OR51B5: variants seen among roughly 807,000 people sequenced by gnomAD.
The protein encoded by OR51B5 is olfactory receptor family 51 subfamily B member 5.
For missense variants in OR51B5, 456 were observed against 374.6 expected (o/e 1.22, Z -1.79); for synonymous variants, 186 against 144.8 (o/e 1.28, Z -2.04).
At chr11:5,370,402 G>A (rs2133706194) in intron 1 of OR51B5, among the ~76,000 whole-genome samples, 1 of 152,254 alleles carries the variant, frequency 6.6e-6, no homozygotes, top group South Asian at 2.1e-4. Context: ...TCAGGTCAGA[G>A]CAATTTACAG....
chr11:5,385,927 G>A (rs573219933), intron 1 of OR51B5, among the ~76,000 whole-genome samples: 1 of 144,100 alleles, frequency 6.9e-6, no homozygotes, highest in Non-Finnish European at 1.5e-5. Flanking sequence ...GTACTTATAT[G>A]GATGTATAAG....
intron 1 of OR51B5, among the ~76,000 whole-genome samples, chr11:5,394,390 C>A (rs986945038): frequency 6.6e-6 from 1 of 152,034 alleles, no homozygotes; most frequent in Non-Finnish European, 1.5e-5. Context: ...ACAACAACAA[C>A]AAACCAAAAA....
chr11:5,368,300 C>A (rs1849402921), intron 1 of OR51B5, among the ~76,000 whole-genome samples: 1 of 152,114 alleles, frequency 6.6e-6, no homozygotes. Context: ...GGCTGCGTAC[C>A]CTATAGCAAA....
At chr11:5,440,424 AT>A in intron 1 of OR51B5, 1 of 596,970 alleles carries the variant, frequency 1.7e-6, no homozygotes, top group Non-Finnish European at 2.9e-6. Context: ...TATGTATGCC[AT>A]TTTATAGTCA....
At chr11:5,489,713 A>G (rs1458202543) in intron 1 of OR51B5, 23 of 1,227,344 alleles carry the variant, frequency 1.9e-5, no homozygotes, top group Non-Finnish European at 2.7e-5. Flanking sequence ...ATGGCTGTCT[A>G]GATACATTTA....
At chr11:5,388,133 AAT>A (rs1849730343) in intron 1 of OR51B5, among the ~76,000 whole-genome samples, 1 of 152,132 alleles carries the variant, frequency 6.6e-6, no homozygotes, top group Non-Finnish European at 1.5e-5. Context: ...TAATTATTGA[AAT>A]AAGATTAATG....
chr11:5,416,971 T>G lies in OR51B5; in HGVS notation n.85-70061A>C, dbSNP rs1192669427. On this transcript the variant is annotated intron_variant and non_coding_transcript_variant, in intron 1 of 4. Coordinates refer to the OR51B5 transcript ENST00000415970. ...CCAAAAAAGAGCCCGCATCGCCAAG[T>G]CAATCCTAAGCCAAAAGAACAAAGC... 1.4e-4 allele frequency among the ~76,000 whole-genome samples: 21 copies of G among 144,986 alleles called. No homozygotes were observed. In the South Asian group the frequency reaches 3.0e-3, roughly 20 times the overall value.
intron 1 of OR51B5, among the ~76,000 whole-genome samples, chr11:5,448,099 C>T (rs76972556): frequency 6.6e-6 from 1 of 152,130 alleles, no homozygotes; most frequent in Non-Finnish European, 1.5e-5. Flanking sequence ...GCTATGTCCT[C>T]AAGTTGCTGC....
At chr11:5,413,032 C>T (rs549372202) in intron 1 of OR51B5, among the ~76,000 whole-genome samples, 50 of 50,616 alleles carry the variant, frequency 9.9e-4, no homozygotes, top group Non-Finnish European at 3.1e-3. Flanking sequence ...CTGGGAGGCA[C>T]CCCCCAGTAG....
chr11:5,478,925 G>A (rs1375958299), intron 1 of OR51B5, among the ~76,000 whole-genome samples: 1 of 151,040 alleles, frequency 6.6e-6, no homozygotes, highest in Non-Finnish European at 1.5e-5. Flanking sequence ...GAACCAAGTT[G>A]GAAAACACTC....
At chr11:5,462,228 G>A (rs1851067016) in intron 1 of OR51B5, among the ~76,000 whole-genome samples, 1 of 152,190 alleles carries the variant, frequency 6.6e-6, no homozygotes. Context: ...AATAATTATA[G>A]TAGGATGAAA....
At chr11:5,468,019 A>G (rs1250880503) in intron 1 of OR51B5, among the ~76,000 whole-genome samples, 19 of 152,226 alleles carry the variant, frequency 1.2e-4, no homozygotes, top group Admixed American at 1.2e-3. Context: ...TATTTATTTC[A>G]GAAGTGTAAA....
intron 1 of OR51B5, among the ~76,000 whole-genome samples, chr11:5,491,659 T>C (rs1253444034): frequency 2.0e-5 from 3 of 152,324 alleles, no homozygotes; most frequent in Admixed American, 6.5e-5. Context: ...ACTGAAATAG[T>C]GATGGATCAA....
rs766922153 is a variant in OR51B5, at chr11:5,390,016, C to T, written n.85-43106G>A. The T allele has an allele frequency of 9.3e-6, 15 of 1,613,368 alleles. No individual in the cohort carries two copies. In the Admixed American group the frequency reaches 2.5e-4, roughly 27 times the overall value. On this transcript the variant is annotated intron_variant and non_coding_transcript_variant, in intron 1 of 4. Coordinates refer to the OR51B5 transcript ENST00000415970. ...AGCTGGCCTGCACAGATATCACCTT[C>T]AATAATCTGTATGGACTGATGGTGG...
intron 1 of OR51B5, chr11:5,449,276 C>T (rs1850810889): frequency 6.6e-6 from 1 of 152,188 alleles, no homozygotes; most frequent in Admixed American, 6.5e-5. Context: ...CAGGGCCTGT[C>T]ATGAGACATA....
chr11:5,480,008 A>G lies in OR51B5; in HGVS notation n.84+25561T>C, dbSNP rs1460571577. Among the ~76,000 whole-genome samples, 1,087 of 150,552 alleles carry G rather than the reference A, an allele frequency of 7.2e-3. 15 individuals are homozygous for G. The highest frequency in any genetic ancestry group is 0.04 in the South Asian group (187 of 4,674). On this transcript the variant is annotated intron_variant and non_coding_transcript_variant, in intron 1 of 4. Transcript: ENST00000415970. ...AATTGAACTCAGCTCTGCACCAAGC[A>G]GACCTAATAGACATCTACAGAACTC...
At chr11:5,477,665 C>A (rs971919149) in intron 1 of OR51B5, among the ~76,000 whole-genome samples, 2 of 151,958 alleles carry the variant, frequency 1.3e-5, no homozygotes, top group Admixed American at 1.3e-4. Context: ...GCACCGTGCG[C>A]GAGCCGAAGC....
At chr11:5,422,758 G>A (rs1250748551) in intron 1 of OR51B5, 1 of 1,614,108 alleles carries the variant, frequency 6.2e-7, no homozygotes, top group Admixed American at 1.7e-5. Context: ...ACCAGGATAT[G>A]ATCCGCCTGG....
chr11:5,343,500 G>A (rs776034792), exon 1 of OR51B5: 10 of 1,149,874 alleles, frequency 8.7e-6, no homozygotes, highest in Non-Finnish European at 1.3e-5. Flanking sequence ...AATAGGAAGG[G>A]ATGGGAGCTG....
Sources: gnomAD v4.1 joint callset for allele counts (sites outside exome capture counted in the v4.1 genomes callset) on GRCh38, gnomAD v4.1.1 for gene constraint, MANE v1.5 for transcripts, NCBI Gene and HGNC (gene_info 2026-07-23, HGNC 2026-07-21) for gene names.